Variants in PPP4R1 observed in about 807,000 individuals in gnomAD.
PPP4R1 encodes protein phosphatase 4 regulatory subunit 1.
Under a neutral mutation model 111.2 loss-of-function variants are expected in PPP4R1, and 42 were observed. The observed-to-expected ratio is 0.38, with a 90% CI of 0.29 to 0.49. The LOEUF (loss-of-function observed/expected upper bound fraction) is 0.49, where lower values mean the gene tolerates loss of function less well. Ranked by LOEUF, PPP4R1 falls within the 20% of genes least tolerant of loss-of-function variation. The pLI, the probability that PPP4R1 is intolerant of heterozygous loss-of-function variation, is 0.97. For synonymous variants in PPP4R1, 409 were observed against 405.5 expected (o/e 1.01, Z -0.10); for missense variants, 1,012 against 1,161.6 (o/e 0.87, Z 1.87).
At chr18:9,570,069 A>G in intron 11 of PPP4R1, 88 bp downstream of exon 11, 1 of 1,383,602 alleles carries the variant, frequency 7.2e-7, no homozygotes, top group South Asian at 1.6e-5. Flanking sequence ...TTATTAAATG[A>G]CAATTTTTTC....
chr18:9,591,892 C>A (rs925980248), intron 4 of PPP4R1, among the ~76,000 whole-genome samples: 3 of 152,134 alleles, frequency 2.0e-5, no homozygotes, highest in Admixed American at 6.5e-5. Context: ...CATGGTGAAA[C>A]CCCTTCTCTA....
At position 9,557,354 on chromosome 18, in the gene PPP4R1, G is replaced by A; in HGVS notation, c.2057C>T (p.Ser686Phe). The A allele has an allele frequency of 6.2e-7, 1 of 1,602,362 alleles. No homozygotes were observed. The highest frequency in any genetic ancestry group is 8.5e-7 in the Non-Finnish European group (1 of 1,177,210). Reference sequence around the variant, plus strand: ...AAGAATAACTGCAAGCTCGTGGATGGAGAATGCTAGAGTTCGTCGAACTTT... The same window carrying A: ...AAGAATAACTGCAAGCTCGTGGATGAAGAATGCTAGAGTTCGTCGAACTTT... ...QWKVRRTLAFSIHELAVILGD... is the reference protein window; with the variant it reads ...QWKVRRTLAFFIHELAVILGD... The change falls in exon 15 of 20, where the codon TCC becomes TTC. Residue 686 changes from serine to phenylalanine, a missense_variant. This residue lies in a region of PPP4R1 where 305 missense variants were observed against 419.5 expected (regional missense o/e 0.73). Coordinates refer to ENST00000400556, the MANE Select transcript of PPP4R1 (RefSeq NM_001042388.3).
chr18:9,613,995 A>G (rs921525257), intron 2 of PPP4R1: 2 of 290,480 alleles, frequency 6.9e-6, no homozygotes, highest in African/African-American at 4.5e-5. Context: ...GAAGGGCGGA[A>G]AGCGAACTTG....
At chr18:9,579,445 A>C (rs2066989564) in intron 9 of PPP4R1, among the ~76,000 whole-genome samples, 1 of 152,074 alleles carries the variant, frequency 6.6e-6, no homozygotes, top group African/African-American at 2.4e-5. Flanking sequence ...ACCTTCCCCA[A>C]ATGGCTTAAC....
In PPP4R1 at chr18:9,614,519, G is replaced by A. The variant is rs1365086350; in HGVS notation, c.-35C>T. Reference sequence around the variant, plus strand: ...GCCCCCTCCTCCGCGGCCGCCCGGGGAGCCGGGGCTACATGGAGCGGCGCG... The same window carrying A: ...GCCCCCTCCTCCGCGGCCGCCCGGGAAGCCGGGGCTACATGGAGCGGCGCG... On this transcript the variant is annotated 5_prime_UTR_variant, in exon 1 of 20. Coordinates refer to ENST00000400556, the MANE Select transcript of PPP4R1 (RefSeq NM_001042388.3). This position sits in a 1 kb window ranked among gnomAD's most constrained non-coding sequence, Gnocchi z 4.1. The A allele has an allele frequency of 1.1e-5, 11 of 1,015,248 alleles. No individual in the cohort carries two copies. The South Asian group carries it at 1.8e-4, about 16-fold the overall frequency. 62.9% of individuals were successfully genotyped at this position (1,015,248 alleles called of 1,614,324 possible). A position where few individuals can be genotyped will look rare whatever the true frequency, so the allele number is the denominator to read the frequency against.
rs1470089852 is a variant in PPP4R1 at position 9,614,402 on chromosome 18, C to T, written c.7+76G>A. 3 of 1,017,280 alleles carry T rather than the reference C, an allele frequency of 2.9e-6. No individual in the cohort carries two copies. Among genetic ancestry groups the T allele is most frequent in the Non-Finnish European group, 3.5e-6 (3 of 850,496 alleles). The allele number at this position is 1,017,280 out of a possible 1,614,324, so 63.0% of individuals were successfully genotyped here. Reference sequence around the variant, plus strand: ...GGACCCCACGCCGGCCCCGGCCCGGCAGCCACTCAGGGCTGCGGCGGAGGG... The same window carrying T: ...GGACCCCACGCCGGCCCCGGCCCGGTAGCCACTCAGGGCTGCGGCGGAGGG... On this transcript the variant is annotated intron_variant, in intron 1 of 19. Transcript: ENST00000400556. The surrounding 1 kb of genome is among the most constrained non-coding windows in gnomAD (Gnocchi z 4.1).
intron 9 of PPP4R1, among the ~76,000 whole-genome samples, chr18:9,577,564 G>A (rs560979062): frequency 6.6e-6 from 1 of 152,244 alleles, no homozygotes; most frequent in South Asian, 2.1e-4. Flanking sequence ...ACTCGGCAGG[G>A]CCTGAGGTGG....
At chr18:9,584,878 T>C (rs765532466) in intron 6 of PPP4R1, 50 bp from the exon 7 acceptor site, 7 of 1,348,134 alleles carry the variant, frequency 5.2e-6, no homozygotes, top group Admixed American at 4.3e-5. Flanking sequence ...GTAAGCCTCT[T>C]TCAGTTAAAT....
At chr18:9,607,644 A>G (rs921110668) in intron 2 of PPP4R1, among the ~76,000 whole-genome samples, 5 of 152,194 alleles carry the variant, frequency 3.3e-5, no homozygotes, top group African/African-American at 4.8e-5. Context: ...TATACATTTA[A>G]TAAGAGTGGC....
rs201496116 is a variant in PPP4R1 at position 9,605,006 on chromosome 18, CT to C, written c.52+9219del. ...AAGAGAACTTTTTAATTCGTACAAA[CT>C]TTTATCAAAATTGATCAAAACACCC... On this transcript the variant is annotated intron_variant, in intron 2 of 19. Transcript: ENST00000400556. 9.4e-3 allele frequency among the ~76,000 whole-genome samples: 1,435 copies of C among 152,318 alleles called. 11 individuals carry two copies. Among genetic ancestry groups the C allele is most frequent in the Middle Eastern group, 0.017 (5 of 294 alleles).
chr18:9,550,442 A>G, intron 16 of PPP4R1, 44 bp from the exon 17 acceptor site: 1 of 1,544,202 alleles, frequency 6.5e-7, no homozygotes, highest in East Asian at 2.2e-5. Context: ...AAAATCAGCG[A>G]GACAAATGAA....
Position 9,595,153 on chromosome 18 carries a change from A to C in PPP4R1, c.53T>G (p.Phe18Cys). The change falls in exon 3 of 20, where the codon TTT becomes TGT. Residue 18 changes from phenylalanine (F) to cysteine (C), a missense_variant and splice_region_variant. This residue lies in a region of PPP4R1 where 707 missense variants were observed against 742.1 expected (regional missense o/e 0.95). Transcript: ENST00000400556. ...CTCTGAGCTGTAGTCATCCACACCA[A>C]CTATCAGAGACATCAGAAATACTCC... ...QEDLQEDADG[F>C]GVDDYSSESD... is the part of the protein sequence containing the mutation. 1.9e-6 allele frequency: 3 copies of C among 1,613,560 alleles called. No homozygotes were observed. The highest frequency in any genetic ancestry group is 2.2e-5 in the East Asian group (1 of 44,856).
At chr18:9,553,449 C>G (rs2066520644) in intron 15 of PPP4R1, 27 bp from the exon 16 acceptor site, 2 of 1,444,396 alleles carry the variant, frequency 1.4e-6, no homozygotes, top group Non-Finnish European at 1.9e-6. Context: ...AAAATATTTA[C>G]CAGGACAAGG....
In PPP4R1 at chr18:9,547,762, C is replaced by T. The variant is rs757250422; in HGVS notation, c.*27G>A. ...CACTGAACCTCGGCTCTCATGGAAG[C>T]AGGAAAGACACCGAGATTCAAGCCT... On this transcript the variant is annotated 3_prime_UTR_variant, in exon 20 of 20. Transcript: ENST00000400556. 7 of 1,610,516 alleles carry T rather than the reference C, an allele frequency of 4.3e-6. No homozygotes were observed. The East Asian group carries it at 1.6e-4, about 36-fold the overall frequency.
At position 9,555,997 on chromosome 18, in the gene PPP4R1, C is replaced by CAAACAAAAA. The variant is rs1555665980; in HGVS notation, c.2190+1223_2190+1224insTTTTTGTTT. Among the ~76,000 whole-genome samples the CAAACAAAAA allele has an allele frequency of 1.5e-4, 20 of 136,848 alleles. No homozygotes were observed. The Admixed American group carries it at 1.5e-3, about 10-fold the overall frequency. 89.8% of individuals were successfully genotyped at this position (136,848 alleles called of 152,430 possible). On this transcript the variant is annotated intron_variant, in intron 15 of 19. Coordinates refer to ENST00000400556, the MANE Select transcript of PPP4R1 (RefSeq NM_001042388.3). ...TAAAACAAACAAACAAACAAACAAA[C>CAAACAAAAA]AAAAAAACACAAAATCGGCCGGGCT...
chr18:9,560,097 T>C (rs1160197688), intron 13 of PPP4R1, among the ~76,000 whole-genome samples: 2 of 151,510 alleles, frequency 1.3e-5, no homozygotes, highest in African/African-American at 4.9e-5. Context: ...CTGGGCAACA[T>C]GGTGAAACCC....
chr18:9,614,334 C>CA lies in PPP4R1; in HGVS notation c.8-65_8-64insT. The CA allele has an allele frequency of 9.1e-7, 1 of 1,101,486 alleles. No homozygotes were observed. Among genetic ancestry groups the CA allele is most frequent in the Non-Finnish European group, 1.1e-6 (1 of 896,214 alleles). 68.2% of individuals were successfully genotyped at this position (1,101,486 alleles called of 1,614,324 possible). A position where few individuals can be genotyped will look rare whatever the true frequency, so the allele number is the denominator to read the frequency against. Reference sequence around the variant, plus strand: ...CCGGGGCCCGGCGCGACGCCCCCCCCCCGCCCGCCTCCCCCCCGCCCCGGG... The same window carrying CA: ...CCGGGGCCCGGCGCGACGCCCCCCCCACCGCCCGCCTCCCCCCCGCCCCGGG... On this transcript the variant is annotated intron_variant, in intron 1 of 19. Coordinates refer to ENST00000400556, the MANE Select transcript of PPP4R1 (RefSeq NM_001042388.3). This position sits in a 1 kb window ranked among gnomAD's most constrained non-coding sequence, Gnocchi z 4.1.
intron 14 of PPP4R1, among the ~76,000 whole-genome samples, chr18:9,557,766 G>A (rs1003491655): frequency 8.6e-5 from 13 of 150,992 alleles, no homozygotes; most frequent in Non-Finnish European, 1.6e-4. Context: ...ACGTACTGAG[G>A]CTGCACATGG....
At chr18:9,590,759 T>A (rs1216575970) in intron 4 of PPP4R1, among the ~76,000 whole-genome samples, 2 of 151,796 alleles carry the variant, frequency 1.3e-5, no homozygotes, top group African/African-American at 4.8e-5. Context: ...GGAATACAGA[T>A]CTGAATGTCA....
Sources: allele counts gnomAD v4.1 joint callset (sites outside exome capture counted in the v4.1 genomes callset), GRCh38; gene constraint gnomAD v4.1.1; regional missense constraint gnomAD v4.1.1; non-coding constraint Gnocchi (gnomAD v3.1); transcripts MANE v1.5; gene names NCBI Gene and HGNC (gene_info 2026-07-23, HGNC 2026-07-21).